Variants in MXI1 observed in about 807,000 individuals in gnomAD.
MXI1 encodes the protein max-interacting protein 1.
MXI1 carries 18 observed loss-of-function variants against 36.9 expected under a neutral mutation model. That is an observed-to-expected ratio of 0.49 (90% CI 0.34 to 0.72). The LOEUF is 0.72. Ranked by LOEUF, MXI1 falls within the 30% of genes least tolerant of loss-of-function variation. The probability of loss-of-function intolerance (pLI) is 0.01; values close to 1 mark genes in which losing one functional copy is unlikely to be tolerated. For missense variants in MXI1, 304 were observed against 379.1 expected (o/e 0.80, Z 1.64); for synonymous variants, 160 against 146.7 (o/e 1.09, Z -0.65).
At chr10:110,211,181 C>T (rs1365187413) in intron 1 of MXI1, among the ~76,000 whole-genome samples, 1 of 151,184 alleles carries the variant, frequency 6.6e-6, no homozygotes, top group Non-Finnish European at 1.5e-5. Flanking sequence ...ATCACTTGAT[C>T]TCGGTTTCTC....
intron 1 of MXI1, among the ~76,000 whole-genome samples, chr10:110,217,052 T>C (rs1337883689): frequency 6.6e-6 from 1 of 152,062 alleles, no homozygotes; most frequent in African/African-American, 2.4e-5. Flanking sequence ...TAGGAAACTG[T>C]GTAAGCAACC....
At chr10:110,261,674 T>C (rs1564720804) in intron 3 of MXI1, among the ~76,000 whole-genome samples, 1 of 152,100 alleles carries the variant, frequency 6.6e-6, no homozygotes, top group Non-Finnish European at 1.5e-5. Context: ...TCCCATCTCC[T>C]AGTCTAAAGA....
At chr10:110,279,603 AT>A (rs1294055555) in intron 4 of MXI1, among the ~76,000 whole-genome samples, 1 of 152,144 alleles carries the variant, frequency 6.6e-6, no homozygotes, top group African/African-American at 2.4e-5. Context: ...GTCCTTCCGT[AT>A]TTTTCCATCA....
rs1857399361 is a variant in MXI1, at chr10:110,285,191, A to G, written c.*204A>G. ...TGGGGCAGAGCCTCCCAAGGAGAAC[A>G]AATATTCAGAATATTCATATTGGAA... On this transcript the variant is annotated 3_prime_UTR_variant, in exon 6 of 6. Transcript: ENST00000332674. 9.7e-6 allele frequency: 4 copies of G among 410,720 alleles called. No individual in the cohort carries two copies. The South Asian group carries it at 3.4e-4, about 35-fold the overall frequency. The allele number at this position is 410,720 out of a possible 1,614,324, so 25.4% of individuals were successfully genotyped here. A position where few individuals can be genotyped will look rare whatever the true frequency, so the allele number is the denominator to read the frequency against.
chr10:110,226,414 G>A, intron 1 of MXI1: 2 of 1,147,344 alleles, frequency 1.7e-6, no homozygotes, highest in Non-Finnish European at 2.2e-6. Context: ...GTGAGGGGAG[G>A]GGTGTGCGCG....
intron 1 of MXI1, among the ~76,000 whole-genome samples, chr10:110,216,194 G>T (rs1330825232): frequency 6.6e-6 from 1 of 152,162 alleles, no homozygotes; most frequent in Admixed American, 6.5e-5. Context: ...TGAGCAGTAC[G>T]CTCCAGGGAA....
chr10:110,228,820 T>G (rs3793885), intron 2 of MXI1, among the ~76,000 whole-genome samples: 13,433 of 152,256 alleles, frequency 0.088, 1,103 homozygotes, highest in East Asian at 0.29. Context: ...TTTTGCCTCT[T>G]TAAATGATGA....
In MXI1 at chr10:110,285,114, C is replaced by T; in HGVS notation, c.*127C>T. ...CAAAACAAAACAAAACAAAACTATA[C>T]TTGAACAAAAGGGTCAGAGGACCTG... On this transcript the variant is annotated 3_prime_UTR_variant, in exon 6 of 6. Transcript: ENST00000332674. The T allele has an allele frequency of 1.1e-6, 1 of 941,318 alleles. No individual in the cohort carries two copies. Among genetic ancestry groups the T allele is most frequent in the Non-Finnish European group, 1.5e-6 (1 of 681,048 alleles). 58.3% of individuals were successfully genotyped at this position (941,318 alleles called of 1,614,324 possible). A position where few individuals can be genotyped will look rare whatever the true frequency, so the allele number is the denominator to read the frequency against.
At chr10:110,210,362 C>G in intron 1 of MXI1, 3 of 875,432 alleles carry the variant, frequency 3.4e-6, no homozygotes, top group Non-Finnish European at 4.1e-6. Context: ...CTCCGGCCGG[C>G]TCCCGGCGGG....
intron 1 of MXI1, chr10:110,227,943 G>A: frequency 6.2e-6 from 3 of 481,124 alleles, no homozygotes; most frequent in South Asian, 2.9e-5. Flanking sequence ...TGGGAGAGAA[G>A]GATTTTGGAA....
At chr10:110,218,090 C>A (rs1037344198) in intron 1 of MXI1, among the ~76,000 whole-genome samples, 3 of 152,110 alleles carry the variant, frequency 2.0e-5, no homozygotes, top group Admixed American at 6.5e-5. Flanking sequence ...ATTTTTCTTT[C>A]TTCCTAGAGA....
chr10:110,260,004 T>C (rs1856453101), intron 3 of MXI1, among the ~76,000 whole-genome samples: 2 of 152,022 alleles, frequency 1.3e-5, no homozygotes, highest in African/African-American at 4.8e-5. Flanking sequence ...AACTCATAAG[T>C]AAATGACTTC....
Position 110,244,804 on chromosome 10 carries a change from CTTTT to C in MXI1, c.408-13_408-10del, listed in dbSNP as rs199913141. The C allele has an allele frequency of 4.6e-5, 63 of 1,365,620 alleles. No homozygotes were observed. Among genetic ancestry groups the C allele is most frequent in the South Asian group, 1.3e-4 (10 of 75,966 alleles). 84.6% of individuals were successfully genotyped at this position (1,365,620 alleles called of 1,614,324 possible). On this transcript the variant is annotated intron_variant, in intron 2 of 5. Transcript: ENST00000332674. ...CTTTAGCAACAAAGCATGGCTAATG[CTTTT>C]TTTTTTTTTTGTCTTTTAGATCTAC...
intron 3 of MXI1, among the ~76,000 whole-genome samples, chr10:110,270,558 A>G (rs1256765678): frequency 6.6e-6 from 1 of 152,222 alleles, no homozygotes; most frequent in Non-Finnish European, 1.5e-5. Context: ...CTTAGCAAGC[A>G]GTCCATGGAT....
rs10656872 is a variant in MXI1, at chr10:110,216,665, G to GTTTTTTTTTTTTTTTTTTTTT, written c.274+8603_274+8604insTTTTTTTTTTTTTTTTTTTTT. Among the ~76,000 whole-genome samples, 429 of 79,040 alleles carry GTTTTTTTTTTTTTTTTTTTTT rather than the reference G, an allele frequency of 5.4e-3. 75 individuals are homozygous for GTTTTTTTTTTTTTTTTTTTTT. The highest frequency in any genetic ancestry group is 0.013 in the African/African-American group (159 of 12,586). 51.9% of individuals were successfully genotyped at this position (79,040 alleles called of 152,430 possible). A position where few individuals can be genotyped will look rare whatever the true frequency, so the allele number is the denominator to read the frequency against. On this transcript the variant is annotated intron_variant, in intron 1 of 5. Coordinates refer to ENST00000332674, the MANE Select transcript of MXI1 (RefSeq NM_130439.3). The stretch of plus-strand genomic sequence containing the variant: ...CCTGTCTCCCCTATCTGTGTTTAAT[G>GTTTTTTTTTTTTTTTTTTTTT]TTTTTTTTTTTTTTTTTTTTGGAGA...
intron 2 of MXI1, among the ~76,000 whole-genome samples, chr10:110,234,825 C>G (rs1229947045): frequency 6.6e-6 from 1 of 152,062 alleles, no homozygotes; most frequent in Non-Finnish European, 1.5e-5. Context: ...CTTCAAAATT[C>G]TCTGTAGTTT....
intron 3 of MXI1, among the ~76,000 whole-genome samples, chr10:110,259,453 T>C (rs1331751804): frequency 6.6e-6 from 1 of 152,110 alleles, no homozygotes; most frequent in Admixed American, 6.5e-5. Flanking sequence ...TTGCTGCATA[T>C]TGTAAAGGAA....
chr10:110,273,146 C>T (rs1856913040), intron 3 of MXI1, among the ~76,000 whole-genome samples: 2 of 146,136 alleles, frequency 1.4e-5, no homozygotes, highest in South Asian at 4.5e-4. Context: ...CTCCCAGTTT[C>T]AAGCAACTCT....
intron 3 of MXI1, among the ~76,000 whole-genome samples, chr10:110,263,266 G>A (rs1248314580): frequency 6.6e-6 from 1 of 152,180 alleles, no homozygotes; most frequent in Admixed American, 6.5e-5. Flanking sequence ...CACATAGTGA[G>A]ATATTTGCTA....
Sources: allele counts gnomAD v4.1 joint callset (sites outside exome capture counted in the v4.1 genomes callset), GRCh38; gene constraint gnomAD v4.1.1; transcripts MANE v1.5; gene names NCBI Gene and HGNC (gene_info 2026-07-23, HGNC 2026-07-21).